RAB27B: variants seen among roughly 807,000 people sequenced by gnomAD.
RAB27B encodes the protein RAB27B, member RAS oncogene family.
In RAB27B, 15 loss-of-function variants were observed where a neutral mutation model predicts 24.6. The ratio of observed to expected loss-of-function variants is 0.61; its 90% CI spans 0.41 to 0.94. The LOEUF (loss-of-function observed/expected upper bound fraction) is 0.94. RAB27B is among the 40% of genes least tolerant of loss of function. RAB27B has a pLI of 0.00. For missense variants in RAB27B, 261 were observed against 266.8 expected (o/e 0.98, Z 0.15); for synonymous variants, 105 against 92.5 (o/e 1.14, Z -0.78).
At chr18:54,856,120 A>C (rs565703279) in intron 1 of RAB27B, among the ~76,000 whole-genome samples, 2 of 152,358 alleles carry the variant, frequency 1.3e-5, no homozygotes, top group South Asian at 4.1e-4. Context: ...AAAGAATTAA[A>C]ATATGGGGAA....
At chr18:54,877,840 C>A in intron 2 of RAB27B, 102 bp downstream of exon 2, 4 of 1,189,494 alleles carry the variant, frequency 3.4e-6, no homozygotes, top group Non-Finnish European at 4.6e-6. Context: ...TTTTGTCACA[C>A]GAAATTCATA....
intron 2 of RAB27B, among the ~76,000 whole-genome samples, chr18:54,789,910 T>C (rs926423816): frequency 6.6e-6 from 1 of 152,140 alleles, no homozygotes; most frequent in Non-Finnish European, 1.5e-5. Context: ...GAGCAGTGGA[T>C]TATTTTGATA....
At chr18:54,769,214 A>G (rs1908462407) in intron 2 of RAB27B, among the ~76,000 whole-genome samples, 1 of 152,176 alleles carries the variant, frequency 6.6e-6, no homozygotes, top group Non-Finnish European at 1.5e-5. Context: ...CAAATAGGAT[A>G]AATTGGCCAA....
In RAB27B at chr18:54,771,591, A is replaced by T. The variant is rs975158586; in HGVS notation, c.-20+53450A>T. On this transcript the variant is annotated intron_variant, in intron 2 of 4. Coordinates refer to the RAB27B transcript ENST00000586570. ...ATTATGGTGATAGAGCTGATAGTTT[A>T]GTGTGTGTGTGTGTGTGTGTGTGTG... 4.3e-4 allele frequency among the ~76,000 whole-genome samples: 62 copies of T among 144,988 alleles called. 1 individual carries two copies. Among genetic ancestry groups the T allele is most frequent in the African/African-American group, 1.4e-3 (56 of 39,454 alleles).
At position 54,794,899 on chromosome 18, in the gene RAB27B, C is replaced by G. The variant is rs187124428; in HGVS notation, c.-20+76758C>G. Among the ~76,000 whole-genome samples the G allele has an allele frequency of 1.1e-3, 155 of 147,008 alleles. 1 individual carries two copies. In the South Asian group the frequency reaches 0.026, roughly 25 times the overall value. ...CATATGATGCACAAATGAAGTTGTC[C>G]TCTAAATTACATGGCTGGTTACTAT... is the stretch of plus-strand genomic sequence containing the variant. On this transcript the variant is annotated intron_variant, in intron 2 of 4. Coordinates refer to the RAB27B transcript ENST00000586570.
chr18:54,794,342 A>T (rs1006059635), intron 2 of RAB27B, among the ~76,000 whole-genome samples: 1 of 152,210 alleles, frequency 6.6e-6, no homozygotes, highest in African/African-American at 2.4e-5. Flanking sequence ...TCTGAGTGTC[A>T]TTATCAATGA....
intron 2 of RAB27B, among the ~76,000 whole-genome samples, chr18:54,817,735 A>T (rs1287414518): frequency 6.6e-6 from 1 of 151,862 alleles, no homozygotes; most frequent in Non-Finnish European, 1.5e-5. Flanking sequence ...CTACACAGTC[A>T]GTGTAGTGAA....
intron 2 of RAB27B, among the ~76,000 whole-genome samples, chr18:54,805,923 A>G (rs1247110329): frequency 2.6e-5 from 4 of 152,180 alleles, no homozygotes; most frequent in African/African-American, 7.2e-5. Context: ...TCAAAATCAT[A>G]CATTGATTAC....
At chr18:54,798,466 G>T (rs929484772) in intron 2 of RAB27B, among the ~76,000 whole-genome samples, 15 of 152,246 alleles carry the variant, frequency 9.9e-5, no homozygotes, top group African/African-American at 3.4e-4. Flanking sequence ...GGCCTCGGGT[G>T]CCCAGGCTTT....
chr18:54,753,428 A>G (rs1907899187), intron 2 of RAB27B, among the ~76,000 whole-genome samples: 1 of 152,068 alleles, frequency 6.6e-6, no homozygotes. Context: ...TCTACTTTCT[A>G]TTTCTTCATC....
At chr18:54,817,540 C>T (rs1366338776) in intron 2 of RAB27B, among the ~76,000 whole-genome samples, 4 of 152,098 alleles carry the variant, frequency 2.6e-5, no homozygotes, top group African/African-American at 9.7e-5. Flanking sequence ...TGTCGGAAAT[C>T]TGGATTAGTT....
intron 3 of RAB27B, chr18:54,879,694 ATGCACTGTCTT>A (rs1912844425): frequency 2.2e-6 from 1 of 456,620 alleles, no homozygotes; most frequent in Non-Finnish European, 4.0e-6. Context: ...GATTCTTGCT[ATGCACTGTCTT>A]TGCACTTCTT....
chr18:54,872,160 G>C lies in RAB27B; in HGVS notation c.-19-5407G>C, dbSNP rs1270302334. On this transcript the variant is annotated intron_variant, in intron 1 of 5. Transcript: ENST00000262094. ...CTTATACGGAGGAGCCCAGTTCTCT[G>C]AGCCCTGACCTATTCAACCGACAGC... Among the ~76,000 whole-genome samples the C allele has an allele frequency of 2.0e-5, 3 of 152,190 alleles. No individual in the cohort carries two copies. In the East Asian group the frequency reaches 5.8e-4, roughly 29 times the overall value.
chr18:54,843,357 ACT>A (rs10544921), intron 1 of RAB27B, among the ~76,000 whole-genome samples: 900 of 31,466 alleles, frequency 0.029, 7 homozygotes, highest in African/African-American at 0.041. Flanking sequence ...TTTCAATAAA[ACT>A]CTTTTTTTTT....
chr18:54,780,381 G>A (rs146771336), intron 2 of RAB27B, among the ~76,000 whole-genome samples: 111 of 38,764 alleles, frequency 2.9e-3, no homozygotes, highest in Middle Eastern at 0.026. Context: ...TCTCCCCCGT[G>A]CTGACTGCTT....
intron 2 of RAB27B, among the ~76,000 whole-genome samples, chr18:54,769,447 T>TCA (rs1260579259): frequency 2.9e-5 from 3 of 104,004 alleles, no homozygotes; most frequent in Admixed American, 9.5e-5. Flanking sequence ...TTTGTCCATC[T>TCA]TGTTTTTTTG....
chr18:54,796,514 A>G (rs1359216060), intron 2 of RAB27B, among the ~76,000 whole-genome samples: 1 of 151,914 alleles, frequency 6.6e-6, no homozygotes, highest in Non-Finnish European at 1.5e-5. Flanking sequence ...CCAGAAGGGG[A>G]GATGGAATGG....
chr18:54,875,978 T>C (rs550410957), intron 1 of RAB27B, among the ~76,000 whole-genome samples: 1 of 152,200 alleles, frequency 6.6e-6, no homozygotes, highest in African/African-American at 2.4e-5. Context: ...TCCATTTTCA[T>C]ACTGCTATAG....
Position 54,816,290 on chromosome 18 carries a change from C to T in RAB27B, c.-19-61277C>T, listed in dbSNP as rs188940750. Among the ~76,000 whole-genome samples, 395 of 152,250 alleles carry T rather than the reference C, an allele frequency of 2.6e-3. 13 individuals carry two copies. Among genetic ancestry groups the T allele is most frequent in the Admixed American group, 0.023 (346 of 15,292 alleles). On this transcript the variant is annotated intron_variant, in intron 2 of 4. Coordinates refer to the RAB27B transcript ENST00000586570. The stretch of plus-strand genomic sequence containing the variant: ...GGCCAAATCAAGAGTAGGTGAAATA[C>T]GATAATAGTTGCTTCTACATCAAAC...
Sources: allele counts gnomAD v4.1 joint callset (sites outside exome capture counted in the v4.1 genomes callset), GRCh38; gene constraint gnomAD v4.1.1; transcripts MANE v1.5; gene names NCBI Gene and HGNC (gene_info 2026-07-23, HGNC 2026-07-21).